The following CDC42BPB variants were observed in gnomAD, a reference collection of about 807,000 sequenced individuals.
CDC42BPB encodes the protein serine/threonine-protein kinase MRCK beta.
In CDC42BPB, 37 loss-of-function variants were observed where a neutral mutation model predicts 214.9. That is an observed-to-expected ratio of 0.17 (90% CI 0.13 to 0.23). The LOEUF (loss-of-function observed/expected upper bound fraction) is 0.23, where lower values mean the gene tolerates loss of function less well. Ranked by LOEUF, CDC42BPB falls within the 10% of genes least tolerant of loss-of-function variation. CDC42BPB has a pLI of 1.00. For missense variants in CDC42BPB, 1,694 were observed against 2,227.0 expected, an observed-to-expected ratio of 0.76 and a Z score of 4.82; for synonymous variants, 931 against 884.0, an observed-to-expected ratio of 1.05 and a Z score of -0.94.
At chr14:103,021,917 G>A (rs963522368) in intron 1 of CDC42BPB, among the ~76,000 whole-genome samples, 5 of 152,144 alleles carry the variant, frequency 3.3e-5, no homozygotes, top group African/African-American at 7.2e-5. Flanking sequence ...GTTGACACTC[G>A]CACAGAGCAC....
chr14:102,967,168 G>C lies in CDC42BPB; in HGVS notation c.2349C>G (p.Leu783=). The change falls in exon 17 of 37, where the codon CTC becomes CTG. Residue 783 remains leucine (L), a splice_region_variant and synonymous_variant. Coordinates refer to ENST00000361246, the MANE Select transcript of CDC42BPB (RefSeq NM_006035.4). ...CTGTGAGTTTATCCACAAAGGAACAGAGCTGAAATGAAACAATTTCACCAC... is the reference window on the plus strand; with the variant it reads ...CTGTGAGTTTATCCACAAAGGAACACAGCTGAAATGAAACAATTTCACCAC... ...NKKLTAENEK[L]CSFVDKLTAQ... 1 of 1,610,736 alleles carries C rather than the reference G, an allele frequency of 6.2e-7. No homozygotes were observed. Among genetic ancestry groups the C allele is most frequent in the Non-Finnish European group, 8.5e-7 (1 of 1,177,284 alleles).
At chr14:103,011,502 C>T (rs960175963) in intron 2 of CDC42BPB, among the ~76,000 whole-genome samples, 6 of 152,108 alleles carry the variant, frequency 3.9e-5, no homozygotes, top group Non-Finnish European at 7.4e-5. Flanking sequence ...GGAGGCTGGG[C>T]GGGGCATCTG....
In CDC42BPB at chr14:102,966,293, A is replaced by G; in HGVS notation, c.2566T>C (p.Ser856Pro). Residue 856 changes from serine to proline, a missense_variant, in exon 18 of 37, where the codon TCA (serine) becomes CCA (proline). By Grantham distance (74) the Ser-to-Pro change is moderately conservative. This residue lies in a region of CDC42BPB where 55 missense variants were observed against 95.5 expected (regional missense o/e 0.58). Coordinates refer to ENST00000361246, the MANE Select transcript of CDC42BPB (RefSeq NM_006035.4). ...TACACAAAACCTACCAGTGTTCTTG[A>G]CCCCAGACTAGAACTCCTCAAAGCC... is the stretch of plus-strand genomic sequence containing the variant. ...LEALRSSSLG[S>P]RTLDPLWKVR... 1 of 1,612,796 alleles carries G rather than the reference A, an allele frequency of 6.2e-7. No homozygotes were observed. Among genetic ancestry groups the G allele is most frequent in the Non-Finnish European group, 8.5e-7 (1 of 1,178,824 alleles).
chr14:102,984,512 C>G (rs1020827599), intron 6 of CDC42BPB, among the ~76,000 whole-genome samples: 1 of 152,114 alleles, frequency 6.6e-6, no homozygotes, highest in Non-Finnish European at 1.5e-5. Context: ...GCTCCTACCC[C>G]CGCAAGGGAG....
intron 6 of CDC42BPB, chr14:102,984,040 G>A (rs1894126475): frequency 1.4e-5 from 3 of 216,372 alleles, no homozygotes; most frequent in South Asian, 3.3e-4. Flanking sequence ...GAAACAAAAC[G>A]GAATTTAAAA....
chr14:102,994,458 A>G lies in CDC42BPB; in HGVS notation c.596+5107T>C, dbSNP rs1021499396. Among the ~76,000 whole-genome samples, 5 of 152,098 alleles carry G rather than the reference A, an allele frequency of 3.3e-5. No individual in the cohort carries two copies. The South Asian group carries it at 1.0e-3, about 31-fold the overall frequency. ...GGAGGTTCAGGGCAAGGGCTGACCT[A>G]TGGCTCCCAACCGCCGAGGCCTTTA... On this transcript the variant is annotated intron_variant, in intron 5 of 36. Transcript: ENST00000361246.
Position 103,001,723 on chromosome 14 carries a change from C to T in CDC42BPB, c.448-2010G>A, listed in dbSNP as rs1200527600. On this transcript the variant is annotated intron_variant, in intron 4 of 36. Transcript: ENST00000361246. This position sits in a 1 kb window ranked among gnomAD's most constrained non-coding sequence, Gnocchi z 5.8. ...GGCCCCGGCAGCTGACGGACACACA[C>T]GGGGCCAGGGGAGATGCGGTGAACG... Among the ~76,000 whole-genome samples, 3 of 152,184 alleles carry T rather than the reference C, an allele frequency of 2.0e-5. No homozygotes were observed. The highest frequency in any genetic ancestry group is 7.2e-5 in the African/African-American group (3 of 41,436).
chr14:103,029,786 G>A (rs1306946801), intron 1 of CDC42BPB, among the ~76,000 whole-genome samples: 2 of 148,408 alleles, frequency 1.3e-5, no homozygotes, highest in African/African-American at 5.0e-5. Context: ...TTGAACCCAG[G>A]AGGCGGAGGT....
chr14:103,005,146 C>G (rs993421369), intron 3 of CDC42BPB, among the ~76,000 whole-genome samples: 2 of 148,086 alleles, frequency 1.4e-5, no homozygotes, highest in Non-Finnish European at 3.0e-5. Context: ...CCAGCCTGGG[C>G]GACAAAGCGA....
intron 5 of CDC42BPB, among the ~76,000 whole-genome samples, chr14:102,989,882 G>A (rs994019664): frequency 4.0e-5 from 6 of 151,048 alleles, no homozygotes; most frequent in Non-Finnish European, 7.4e-5. Flanking sequence ...AAAAAAAAAA[G>A]AATGAAGAGC....
At chr14:103,046,577 CA>C (rs1888299630) in intron 1 of CDC42BPB, among the ~76,000 whole-genome samples, 1 of 152,168 alleles carries the variant, frequency 6.6e-6, no homozygotes, top group Non-Finnish European at 1.5e-5. Flanking sequence ...ATCAATAAAA[CA>C]TTAAACAAAG....
In CDC42BPB at chr14:102,938,197, C is replaced by G. The variant is rs140405905; in HGVS notation, c.4934-23G>C. The G allele has an allele frequency of 2.5e-6, 4 of 1,611,356 alleles. No homozygotes were observed. The East Asian group carries it at 6.7e-5, about 27-fold the overall frequency. The stretch of plus-strand genomic sequence containing the variant: ...CACCTACAGAACAAGGACAGCTTTC[C>G]TCTTAGGGAGAAAGTCAAGAACGGA... On this transcript the variant is annotated intron_variant, in intron 35 of 36. Coordinates refer to ENST00000361246, the MANE Select transcript of CDC42BPB (RefSeq NM_006035.4).
Position 102,932,971 on chromosome 14 carries a change from C to T in CDC42BPB, c.*741G>A, listed in dbSNP as rs1891462479. The T allele has an allele frequency of 1.3e-5, 2 of 152,204 alleles. No homozygotes were observed. The highest frequency in any genetic ancestry group is 2.9e-5 in the Non-Finnish European group (2 of 68,016). 9.4% of individuals were successfully genotyped at this position (152,204 alleles called of 1,614,324 possible). A position where few individuals can be genotyped will look rare whatever the true frequency, so the allele number is the denominator to read the frequency against. ...TGACTTCCCTCAGCCCAGCAGGCCA[C>T]AGGGCCTGCCTGCACCACGACACTC... On this transcript the variant is annotated 3_prime_UTR_variant, in exon 37 of 37. Transcript: ENST00000361246.
At chr14:103,026,156 G>C (rs1054831043) in intron 1 of CDC42BPB, among the ~76,000 whole-genome samples, 1 of 152,134 alleles carries the variant, frequency 6.6e-6, no homozygotes, top group Non-Finnish European at 1.5e-5. Context: ...CCAGCACTTT[G>C]GGAGGCCGAG....
At position 102,950,538 on chromosome 14, in the gene CDC42BPB, G is replaced by C. The variant is rs145804107; in HGVS notation, c.3237C>G (p.Pro1079=). The change falls in exon 25 of 37, where the codon CCC becomes CCG. Residue 1079 remains proline (P), a synonymous_variant. Coordinates refer to ENST00000361246, the MANE Select transcript of CDC42BPB (RefSeq NM_006035.4). ...DGAPQVCPIP[P]EQSKRPLGVD... ...CGCCCAGAGGCCTCTTGGACTGCTC[G>C]GGAGGTATTGGGCACACCTGGGGGG... 3 of 1,612,464 alleles carry C rather than the reference G, an allele frequency of 1.9e-6. No individual in the cohort carries two copies. The highest frequency in any genetic ancestry group is 2.2e-5 in the East Asian group (1 of 44,856).
intron 16 of CDC42BPB, chr14:102,967,415 C>T: frequency 1.1e-6 from 1 of 920,504 alleles, no homozygotes; most frequent in Non-Finnish European, 1.3e-6. Context: ...CATCTTTTCG[C>T]TGAATACAAA....
chr14:102,964,670 G>A lies in CDC42BPB; in HGVS notation c.2578-20C>T, dbSNP rs770552859. 2.0e-5 allele frequency: 32 copies of A among 1,581,250 alleles called. No homozygotes were observed. The highest frequency in any genetic ancestry group is 4.1e-5 in the African/African-American group (3 of 73,592). Reference sequence around the variant, plus strand: ...CGGGTCCTTGAGACACGGTCATGGCGTTAAAAATGCATTTTCAGTTATCCG... The same window carrying A: ...CGGGTCCTTGAGACACGGTCATGGCATTAAAAATGCATTTTCAGTTATCCG... On this transcript the variant is annotated intron_variant, in intron 18 of 36. Transcript: ENST00000361246.
At chr14:102,988,717 AC>A (rs1316575255) in intron 5 of CDC42BPB, among the ~76,000 whole-genome samples, 2 of 152,190 alleles carry the variant, frequency 1.3e-5, no homozygotes, top group African/African-American at 4.8e-5. Context: ...TGTTGTGACA[AC>A]TGGAGAGCCA....
At chr14:103,041,959 G>T in intron 1 of CDC42BPB, 1 of 355,668 alleles carries the variant, frequency 2.8e-6, no homozygotes. Context: ...GAAGGAGAAA[G>T]CCCAAGTCAT....
Sources: gnomAD v4.1 joint callset for allele counts (sites outside exome capture counted in the v4.1 genomes callset) on GRCh38, gnomAD v4.1.1 for gene constraint, gnomAD v4.1.1 regional missense constraint, Gnocchi (gnomAD v3.1) non-coding constraint, MANE v1.5 for transcripts, NCBI Gene and HGNC (gene_info 2026-07-23, HGNC 2026-07-21) for gene names.